The following SLC25A20 variants were observed in gnomAD, a reference collection of about 807,000 sequenced individuals.
The protein encoded by SLC25A20 is solute carrier family 25 member 20.
SLC25A20 carries 29 observed loss-of-function variants against 39.7 expected under a neutral mutation model. The ratio of observed to expected loss-of-function variants is 0.73; its 90% CI spans 0.54 to 1.00. The LOEUF (loss-of-function observed/expected upper bound fraction) is 1.00, where lower values mean the gene tolerates loss of function less well. SLC25A20 is among the 50% of genes least tolerant of loss of function. The pLI is 0.00. For missense variants in SLC25A20, 333 were observed against 379.9 expected (o/e 0.88, Z 1.03); for synonymous variants, 103 against 142.2 (o/e 0.72, Z 1.96).
At chr3:48,857,838 C>T in intron 8 of SLC25A20, 66 bp from the exon 9 acceptor site, 1 of 1,436,924 alleles carries the variant, frequency 7.0e-7, no homozygotes, top group African/African-American at 1.4e-5. Flanking sequence ...ATTCAAAGCA[C>T]TATGCTTTGC....
At chr3:48,883,697 T>C (rs2083810874) in intron 3 of SLC25A20, among the ~76,000 whole-genome samples, 1 of 137,006 alleles carries the variant, frequency 7.3e-6, no homozygotes, top group Admixed American at 8.2e-5. Context: ...CTCGGCTCAC[T>C]GCAACCTCTT....
chr3:48,888,398 C>A (rs1376582789), intron 2 of SLC25A20, among the ~76,000 whole-genome samples: 1 of 149,426 alleles, frequency 6.7e-6, no homozygotes, highest in African/African-American at 2.5e-5. Context: ...GGTAAAACCC[C>A]ATTTCTACTA....
intron 3 of SLC25A20, among the ~76,000 whole-genome samples, chr3:48,881,352 C>T (rs897178194): frequency 6.6e-6 from 1 of 152,168 alleles, no homozygotes; most frequent in African/African-American, 2.4e-5. Flanking sequence ...CCCCATAATG[C>T]CCAACCCTAG....
chr3:48,867,411 A>ATTTTTTTTTTTTTTTTTTTTTTTTTTTTT (rs58122933), intron 4 of SLC25A20, among the ~76,000 whole-genome samples: 2 of 108,388 alleles, frequency 1.8e-5, no homozygotes, highest in African/African-American at 6.9e-5. Context: ...TGCCTGGGTA[A>ATTTTTTTTTTTTTTTTTTTTTTTTTTTTT]TTTTTTTTTT....
At position 48,892,133 on chromosome 3, in the gene SLC25A20, T is replaced by C. The variant is rs114679493; in HGVS notation, c.106-61A>G. The C allele has an allele frequency of 2.1e-3, 2,701 of 1,288,538 alleles. 47 individuals are homozygous for C. In the African/African-American group the frequency reaches 0.036, roughly 17 times the overall value. The allele number at this position is 1,288,538 out of a possible 1,614,324, so 79.8% of individuals were successfully genotyped here. On this transcript the variant is annotated intron_variant, in intron 1 of 8. Coordinates refer to ENST00000319017, the MANE Select transcript of SLC25A20 (RefSeq NM_000387.6). Reference sequence around the variant, plus strand: ...AATCAGAACTGCCTGTCAGCAGCAATGGCCCAACTGTCTGCCAAACTGAAC... The same window carrying C: ...AATCAGAACTGCCTGTCAGCAGCAACGGCCCAACTGTCTGCCAAACTGAAC...
At chr3:48,888,234 G>C (rs2106662155) in intron 2 of SLC25A20, among the ~76,000 whole-genome samples, 1 of 149,138 alleles carries the variant, frequency 6.7e-6, no homozygotes, top group African/African-American at 2.5e-5. Flanking sequence ...AAAAAAGAAG[G>C]GTAGCACCAC....
chr3:48,898,856 C>G lies in SLC25A20; in HGVS notation c.-62G>C. On this transcript the variant is annotated 5_prime_UTR_variant, in exon 1 of 9. Coordinates refer to ENST00000319017, the MANE Select transcript of SLC25A20 (RefSeq NM_000387.6). ...GGCCGTCCTGGCTTCTCAGCCCCAGCTGCAGTGCCGGCGCCGCCGACCTTT... is the reference window on the plus strand; with the variant it reads ...GGCCGTCCTGGCTTCTCAGCCCCAGGTGCAGTGCCGGCGCCGCCGACCTTT... 6.7e-7 allele frequency: 1 copy of G among 1,493,768 alleles called. No homozygotes were observed. Among genetic ancestry groups the G allele is most frequent in the South Asian group, 1.2e-5 (1 of 82,844 alleles). The allele number at this position is 1,493,768 out of a possible 1,614,324, so 92.5% of individuals were successfully genotyped here.
At position 48,859,559 on chromosome 3, in the gene SLC25A20, T is replaced by C; in HGVS notation, c.604A>G (p.Lys202Glu). 1 of 1,613,674 alleles carries C rather than the reference T, an allele frequency of 6.2e-7. No homozygotes were observed. The highest frequency in any genetic ancestry group is 1.1e-5 in the South Asian group (1 of 91,074). ...TCCAAGTTATGTTTTCCTCACCTCT[T>C]TCCCTCCGGAGTGAAGATATTTTTC... ...WLKNIFTPEG[K>E]RVSELSAPRI... The change falls in exon 6 of 9, where the codon AAG becomes GAG. Residue 202 changes from lysine to glutamate, a missense_variant. Lys to Glu is a moderately conservative substitution (Grantham distance 56). Coordinates refer to ENST00000319017, the MANE Select transcript of SLC25A20 (RefSeq NM_000387.6).
intron 1 of SLC25A20, among the ~76,000 whole-genome samples, chr3:48,893,201 T>TCTCACTATATTGTAGAA (rs2083890030): frequency 1.3e-5 from 2 of 152,114 alleles, no homozygotes; most frequent in East Asian, 3.9e-4. Flanking sequence ...CTAATTTTTA[T>TCTCACTATATTGTAGAA]TGTTTTTGTA....
At chr3:48,890,651 C>CT (rs71077750) in intron 2 of SLC25A20, among the ~76,000 whole-genome samples, 6,112 of 78,106 alleles carry the variant, frequency 0.078, 359 homozygotes, top group Non-Finnish European at 0.1. Flanking sequence ...GCCCCCTTGT[C>CT]TTTTTTTTTT....
At chr3:48,875,584 A>G (rs928390425) in intron 4 of SLC25A20, among the ~76,000 whole-genome samples, 17 of 152,028 alleles carry the variant, frequency 1.1e-4, no homozygotes, top group African/African-American at 4.1e-4. Flanking sequence ...TAATTTTTGT[A>G]TTTTTGGTAG....
Position 48,882,567 on chromosome 3 carries a change from C to T in SLC25A20, c.326+1430G>A, listed in dbSNP as rs555868156. The stretch of plus-strand genomic sequence containing the variant: ...TTGATACTACCTTATAAAAGAAATA[C>T]GAAAAACTGGTCAGGTGTGGTGGCT... On this transcript the variant is annotated intron_variant, in intron 3 of 8. Coordinates refer to ENST00000319017, the MANE Select transcript of SLC25A20 (RefSeq NM_000387.6). Among the ~76,000 whole-genome samples, 437 of 152,136 alleles carry T rather than the reference C, an allele frequency of 2.9e-3. 4 individuals carry two copies. Among genetic ancestry groups the T allele is most frequent in the African/African-American group, 9.9e-3 (410 of 41,524 alleles).
In SLC25A20 at chr3:48,892,054, G is replaced by A. The variant is rs367835261; in HGVS notation, c.124C>T (p.Pro42Ser). 20 of 1,613,918 alleles carry A rather than the reference G, an allele frequency of 1.2e-5. No homozygotes were observed. In the African/African-American group the frequency reaches 2.3e-4, roughly 18 times the overall value. ...DTVKVRLQTQ[P>S]PSLPGQPPMY... ...GGAGGTTGTCCAGGCAAACTCGGTG[G>A]CTGTGTCTGCAGTCGGACCTGAAAA... Residue 42 changes from proline to serine, a missense_variant, in exon 2 of 9, where the codon CCA becomes TCA. Transcript: ENST00000319017.
rs769305995 is a variant in SLC25A20 at position 48,898,714 on chromosome 3, G to A, written c.81C>T (p.Val27=). The part of the protein sequence containing the change: ...GGFGGVCLVF[V]GHPLDTVKVR... ...CCTTGACCGTGTCCAGAGGGTGACC[G>A]ACGAACACCAGGCACACGCCGCCAA... The change falls in exon 1 of 9, where the codon GTC becomes GTT. Residue 27 remains valine, a synonymous_variant. Transcript: ENST00000319017. 1.9e-6 allele frequency: 3 copies of A among 1,607,614 alleles called. No homozygotes were observed. Among genetic ancestry groups the A allele is most frequent in the African/African-American group, 2.7e-5 (2 of 74,794 alleles).
intron 4 of SLC25A20, among the ~76,000 whole-genome samples, chr3:48,873,207 G>C (rs2083729629): frequency 6.6e-6 from 1 of 152,116 alleles, no homozygotes; most frequent in African/African-American, 2.4e-5. Flanking sequence ...CTGGGCAACA[G>C]AGCAAGACTC....
chr3:48,869,061 C>G (rs904770589), intron 4 of SLC25A20, among the ~76,000 whole-genome samples: 3 of 152,168 alleles, frequency 2.0e-5, no homozygotes, highest in Admixed American at 6.6e-5. Context: ...CAGGTGTCAA[C>G]AGAGGCCAAA....
At chr3:48,890,741 G>A (rs573350684) in intron 2 of SLC25A20, among the ~76,000 whole-genome samples, 73 of 136,076 alleles carry the variant, frequency 5.4e-4, no homozygotes, top group African/African-American at 1.7e-3. Context: ...TGCAAGCTCC[G>A]CCTCCTGGGT....
chr3:48,887,289 T>C (rs1253843420), intron 2 of SLC25A20, among the ~76,000 whole-genome samples: 9 of 152,254 alleles, frequency 5.9e-5, no homozygotes, highest in African/African-American at 1.9e-4. Context: ...TACAGACCCC[T>C]GCCTGGCAGC....
At position 48,889,878 on chromosome 3, in the gene SLC25A20, G is replaced by A. The variant is rs2083860551; in HGVS notation, c.198+2102C>T. The stretch of plus-strand genomic sequence containing the variant: ...ACAAGAAATAACCGGCAGGTATAGG[G>A]TCCGGTGCTGAAGGGACATTGTGAG... On this transcript the variant is annotated intron_variant, in intron 2 of 8. Coordinates refer to ENST00000319017, the MANE Select transcript of SLC25A20 (RefSeq NM_000387.6). Among the ~76,000 whole-genome samples, 5 of 152,326 alleles carry A rather than the reference G, an allele frequency of 3.3e-5. 1 individual carries two copies. The highest frequency in any genetic ancestry group is 3.3e-4 in the Admixed American group (5 of 15,288).
Sources: gnomAD v4.1 joint callset for allele counts (sites outside exome capture counted in the v4.1 genomes callset) on GRCh38, gnomAD v4.1.1 for gene constraint, MANE v1.5 for transcripts, NCBI Gene and HGNC (gene_info 2026-07-23, HGNC 2026-07-21) for gene names.